The following MUC22 variants were observed in gnomAD, a reference collection of about 807,000 sequenced individuals.
MUC22 encodes mucin-22.
In MUC22, 24 loss-of-function variants were observed where a neutral mutation model predicts 40.3. The ratio of observed to expected loss-of-function variants is 0.60; its 90% CI spans 0.43 to 0.84. The LOEUF (loss-of-function observed/expected upper bound fraction) is 0.84, where lower values mean the gene tolerates loss of function less well. Ranked by LOEUF, MUC22 falls within the 40% of genes least tolerant of loss-of-function variation. The pLI is 0.00. For missense variants in MUC22, 1,926 were observed against 2,130.7 expected (o/e 0.90, Z 1.89); for synonymous variants, 765 against 844.5 (o/e 0.91, Z 1.63).
intron 1 of MUC22, among the ~76,000 whole-genome samples, chr6:31,017,977 C>T (rs975363012): frequency 1.3e-5 from 2 of 152,228 alleles, no homozygotes; most frequent in African/African-American, 2.4e-5. Flanking sequence ...AGTTTCACTC[C>T]TGAGGCCAGT....
At chr6:31,009,666 C>A (rs1763736890), upstream of MUC22, among the ~76,000 whole-genome samples, 1 of 152,194 alleles carries the variant, frequency 6.6e-6, no homozygotes, top group African/African-American at 2.4e-5. Context: ...GGCTTCCCTG[C>A]CATTGGTGGG....
At position 31,020,863 on chromosome 6, in the gene MUC22, G is replaced by A. The variant is rs192624835; in HGVS notation, c.71-4639G>A. On this transcript the variant is annotated intron_variant, in intron 1 of 3. Coordinates refer to ENST00000561890, the Ensembl canonical transcript of MUC22. Reference sequence around the variant, plus strand: ...CCGGGCAGTGAGGGGCTTAGCACCCGGGCCAGTGGCTGCGGAGGGTGTACT... The same window carrying A: ...CCGGGCAGTGAGGGGCTTAGCACCCAGGCCAGTGGCTGCGGAGGGTGTACT... Among the ~76,000 whole-genome samples the A allele has an allele frequency of 1.9e-3, 288 of 152,312 alleles. 2 individuals carry two copies. Among genetic ancestry groups the A allele is most frequent in the Admixed American group, 3.4e-3 (52 of 15,308 alleles).
At chr6:31,016,900 G>A (rs1469278315) in intron 1 of MUC22, among the ~76,000 whole-genome samples, 1 of 152,202 alleles carries the variant, frequency 6.6e-6, no homozygotes, top group Non-Finnish European at 1.5e-5. Flanking sequence ...TCGGGCTGGC[G>A]TGGCCAGCAC....
chr6:31,025,363 A>T, intron 1 of MUC22, 139 bp from the exon 2 acceptor site: 1 of 980,868 alleles, frequency 1.0e-6, no homozygotes, highest in African/African-American at 1.6e-5. Flanking sequence ...TTAGTAAAAT[A>T]CCAGGTACAT....
Position 31,018,261 on chromosome 6 carries a change from G to T in MUC22, c.71-7241G>T, listed in dbSNP as rs2894176. Among the ~76,000 whole-genome samples the T allele has an allele frequency of 8.6e-5, 13 of 152,022 alleles. No homozygotes were observed. The East Asian group carries it at 1.5e-3, about 18-fold the overall frequency. ...GGAAGAGAGGTGTATTCATCCAAGTGCTTGAGTGGAAGGAGTGATCTGGAG... is the reference window on the plus strand; with the variant it reads ...GGAAGAGAGGTGTATTCATCCAAGTTCTTGAGTGGAAGGAGTGATCTGGAG... On this transcript the variant is annotated intron_variant, in intron 1 of 3. Coordinates refer to ENST00000561890, the Ensembl canonical transcript of MUC22.
At chr6:31,008,115 G>A (rs1347577944), upstream of MUC22, among the ~76,000 whole-genome samples, 1 of 152,254 alleles carries the variant, frequency 6.6e-6, no homozygotes, top group Non-Finnish European at 1.5e-5. Context: ...TCAAAGTCCT[G>A]TTTGGACATG....
intron 1 of MUC22, among the ~76,000 whole-genome samples, chr6:31,022,043 C>G (rs9262531): frequency 4.6e-5 from 7 of 151,460 alleles, no homozygotes; most frequent in African/African-American, 1.5e-4. Flanking sequence ...TTAAGAGTTG[C>G]TAACACTCAC....
At chr6:31,034,211 C>G (rs1766280883) in intron 3 of MUC22, among the ~76,000 whole-genome samples, 1 of 152,214 alleles carries the variant, frequency 6.6e-6, no homozygotes, top group Non-Finnish European at 1.5e-5. Flanking sequence ...TAGTTGGATT[C>G]TGGAGTTCAT....
chr6:31,012,700 T>G (rs1463031905), intron 1 of MUC22, among the ~76,000 whole-genome samples: 2 of 152,158 alleles, frequency 1.3e-5, no homozygotes, highest in Non-Finnish European at 2.9e-5. Flanking sequence ...TTCCTACCAC[T>G]AGATCTATAA....
At chr6:31,019,011 A>G (rs2150758650) in intron 1 of MUC22, among the ~76,000 whole-genome samples, 1 of 152,340 alleles carries the variant, frequency 6.6e-6, no homozygotes, top group Non-Finnish European at 1.5e-5. Flanking sequence ...TACAATGTAT[A>G]TTTAAATGAC....
chr6:31,021,865 A>G (rs1437953080), intron 1 of MUC22, among the ~76,000 whole-genome samples: 1 of 151,868 alleles, frequency 6.6e-6, no homozygotes, highest in South Asian at 2.1e-4. Context: ...CACACTGTGG[A>G]AACTTTGTTC....
chr6:31,022,442 T>C (rs28894975), intron 1 of MUC22, among the ~76,000 whole-genome samples: 17,855 of 151,618 alleles, frequency 0.12, 1,243 homozygotes, highest in East Asian at 0.32. Flanking sequence ...CAGGCGTGAA[T>C]CGACAGGCAA....
At chr6:31,027,562 G>A (rs1165053349) in exon 2 of MUC22, 1 of 1,526,198 alleles carries the variant, frequency 6.6e-7, no homozygotes, top group South Asian at 1.2e-5. Flanking sequence ...AGCTTCTACT[G>A]AAGGTTCTGA....
exon 2 of MUC22, chr6:31,025,528 A>G (rs1004717898): frequency 1.3e-6 from 2 of 1,510,788 alleles, no homozygotes; most frequent in Non-Finnish European, 1.8e-6. Context: ...AGCCTTCACA[A>G]AAGGCTCCGA....
chr6:31,010,901 T>C (rs1226449497), intron 1 of MUC22, 125 bp downstream of exon 1: 1 of 630,038 alleles, frequency 1.6e-6, no homozygotes, highest in Non-Finnish European at 2.8e-6. Flanking sequence ...ATTTTTTTTT[T>C]TTTTTTTTTG....
chr6:31,019,614 G>A (rs1485846279), intron 1 of MUC22, among the ~76,000 whole-genome samples: 3 of 152,242 alleles, frequency 2.0e-5, no homozygotes, highest in Admixed American at 6.5e-5. Context: ...AGCACTTTGG[G>A]AGGCTGAGGT....
chr6:31,026,454 T>C, exon 2 of MUC22: 3 of 1,505,030 alleles, frequency 2.0e-6, no homozygotes, highest in Non-Finnish European at 2.7e-6. Flanking sequence ...CCACAGCTTC[T>C]ATGGCAGGCT....
At chr6:31,019,477 C>T (rs2150759771) in intron 1 of MUC22, among the ~76,000 whole-genome samples, 1 of 152,236 alleles carries the variant, frequency 6.6e-6, no homozygotes, top group East Asian at 1.9e-4. Context: ...TGATTAAGCC[C>T]CAGATCATTA....
chr6:31,016,744 G>C lies in MUC22; in HGVS notation c.70+5968G>C, dbSNP rs569266015. On this transcript the variant is annotated intron_variant, in intron 1 of 3. Transcript: ENST00000561890. ...CTGCACTGTGGGAGACCCTCTCTGGGCTGGCCGAGGCCGGAGCCAGCTCCC... is the reference window on the plus strand; with the variant it reads ...CTGCACTGTGGGAGACCCTCTCTGGCCTGGCCGAGGCCGGAGCCAGCTCCC... Among the ~76,000 whole-genome samples, 3 of 152,364 alleles carry C rather than the reference G, an allele frequency of 2.0e-5. No individual in the cohort carries two copies. In the South Asian group the frequency reaches 6.2e-4, roughly 32 times the overall value.
Sources: gnomAD v4.1 joint callset for allele counts (sites outside exome capture counted in the v4.1 genomes callset) on GRCh38, gnomAD v4.1.1 for gene constraint, MANE v1.5 for transcripts, NCBI Gene and HGNC (gene_info 2026-07-23, HGNC 2026-07-21) for gene names.